TC2N: variants seen among roughly 807,000 people sequenced by gnomAD.
The protein encoded by TC2N is tandem C2 domains nuclear protein.
In TC2N, 51 loss-of-function variants were observed where a neutral mutation model predicts 61.9. The ratio of observed to expected loss-of-function variants is 0.82; its 90% CI spans 0.66 to 1.04. The LOEUF (loss-of-function observed/expected upper bound fraction) is 1.04, where lower values mean the gene tolerates loss of function less well. Ranked by LOEUF, TC2N falls within the 50% of genes least tolerant of loss-of-function variation. The pLI, the probability that TC2N is intolerant of heterozygous loss-of-function variation, is 0.00. For synonymous variants in TC2N, 204 were observed against 192.6 expected, an observed-to-expected ratio of 1.06 and a Z score of -0.49; for missense variants, 556 against 566.7, an observed-to-expected ratio of 0.98 and a Z score of 0.19.
At chr14:91,831,814 A>G (rs1028218406) in intron 1 of TC2N, among the ~76,000 whole-genome samples, 10 of 152,116 alleles carry the variant, frequency 6.6e-5, no homozygotes, top group African/African-American at 1.4e-4. Flanking sequence ...AGGTACAGAG[A>G]TTTCCCATAT....
At chr14:91,829,002 C>G (rs1188485574) in intron 1 of TC2N, among the ~76,000 whole-genome samples, 1 of 151,516 alleles carries the variant, frequency 6.6e-6, no homozygotes. Context: ...TGTCTTCTGT[C>G]CCACCATTGT....
At chr14:91,865,647 T>G (rs1888684835) in intron 1 of TC2N, among the ~76,000 whole-genome samples, 1 of 152,158 alleles carries the variant, frequency 6.6e-6, no homozygotes, top group African/African-American at 2.4e-5. Context: ...TATCTAGCAT[T>G]TATTAGTGTT....
At chr14:91,846,983 C>T (rs950927868) in intron 1 of TC2N, among the ~76,000 whole-genome samples, 8 of 152,150 alleles carry the variant, frequency 5.3e-5, no homozygotes, top group Non-Finnish European at 1.0e-4. Context: ...GGAGGCCAGG[C>T]GCGGTGGCTC....
intron 1 of TC2N, among the ~76,000 whole-genome samples, chr14:91,828,249 A>T (rs866698824): frequency 3.3e-5 from 5 of 152,278 alleles, no homozygotes; most frequent in South Asian, 2.1e-4. Flanking sequence ...ATATAAAATA[A>T]ATCCACATGG....
At chr14:91,805,786 C>A (rs1886482126) in intron 3 of TC2N, among the ~76,000 whole-genome samples, 1 of 152,150 alleles carries the variant, frequency 6.6e-6, no homozygotes. Flanking sequence ...ATAAAATCCA[C>A]AGTAGTATAC....
At chr14:91,809,248 A>C (rs1326136699) in intron 3 of TC2N, among the ~76,000 whole-genome samples, 3 of 152,006 alleles carry the variant, frequency 2.0e-5, no homozygotes, top group Non-Finnish European at 2.9e-5. Context: ...CCATCTCTAT[A>C]AATACAAAAA....
intron 9 of TC2N, among the ~76,000 whole-genome samples, chr14:91,789,261 T>A (rs754987085): frequency 6.6e-6 from 1 of 151,648 alleles, no homozygotes; most frequent in Admixed American, 6.6e-5. Context: ...ATTCAATTCA[T>A]GTTCCAGGAC....
chr14:91,825,693 T>C (rs1296207752), intron 1 of TC2N, among the ~76,000 whole-genome samples: 1 of 152,226 alleles, frequency 6.6e-6, no homozygotes, highest in Non-Finnish European at 1.5e-5. Context: ...CTTCTTGCTG[T>C]CTCTAGTTTC....
intron 9 of TC2N, among the ~76,000 whole-genome samples, chr14:91,788,985 A>G (rs1320090829): frequency 3.9e-5 from 6 of 152,088 alleles, no homozygotes; most frequent in Non-Finnish European, 8.8e-5. Flanking sequence ...TTGCTGATTG[A>G]AAAAAAATTG....
intron 3 of TC2N, among the ~76,000 whole-genome samples, chr14:91,810,473 C>T (rs1886714448): frequency 6.6e-6 from 1 of 152,060 alleles, no homozygotes; most frequent in Admixed American, 6.5e-5. Flanking sequence ...GTCTCCACAA[C>T]ATAACATTCA....
At chr14:91,820,704 A>AG (rs36100922) in intron 1 of TC2N, among the ~76,000 whole-genome samples, 8 of 29,448 alleles carry the variant, frequency 2.7e-4, no homozygotes, top group Admixed American at 8.5e-4. Context: ...TCTTGTAAAT[A>AG]AAAAAAAAAA....
intron 1 of TC2N, among the ~76,000 whole-genome samples, chr14:91,815,070 G>C (rs1490811428): frequency 6.6e-6 from 1 of 151,578 alleles, no homozygotes; most frequent in Admixed American, 6.6e-5. Flanking sequence ...AATAAAAACA[G>C]ACTAGGAGAA....
In TC2N at chr14:91,792,545, A is replaced by T. The variant is rs1233396591; in HGVS notation, c.869T>A (p.Met290Lys). Residue 290 changes from methionine to lysine, a missense_variant, in exon 9 of 12, where the codon ATG becomes AAG. By Grantham distance (95) the Met-to-Lys change is moderately conservative. Transcript: ENST00000435962. ...TTTAATAGCAAATACAAACGTTTCC[A>T]TAAATTCAATAGCCTTAAAAAAAAA... The part of the protein sequence containing the change: ...AKEGSNAIEF[M>K]ETFVFAIKLQ... 2 of 1,537,712 alleles carry T rather than the reference A, an allele frequency of 1.3e-6. No homozygotes were observed. The highest frequency in any genetic ancestry group is 2.8e-5 in the African/African-American group (2 of 72,600).
Position 91,802,161 on chromosome 14 carries a change from A to G in TC2N, c.469+93T>C, listed in dbSNP as rs79789782. On this transcript the variant is annotated intron_variant, in intron 4 of 11. Transcript: ENST00000435962. The stretch of plus-strand genomic sequence containing the variant: ...TTTTCTTATTTTTAAAATGCTTTTA[A>G]TAGTAAAAATCATTTATTCCCATAT... 3.3e-3 allele frequency: 3,811 copies of G among 1,152,234 alleles called. 95 individuals carry two copies. The African/African-American group carries it at 0.05, about 15-fold the overall frequency. 71.4% of individuals were successfully genotyped at this position (1,152,234 alleles called of 1,614,324 possible).
rs542623587 is a variant in TC2N, at chr14:91,782,974, T to C, written c.*126A>G. On this transcript the variant is annotated 3_prime_UTR_variant, in exon 12 of 12. Coordinates refer to ENST00000435962, the MANE Select transcript of TC2N (RefSeq NM_001128596.3). ...CAAATTTTCTATCAGATACATTATA[T>C]ACCATAATTATAGCCCCCATAAATT... 2.1e-4 allele frequency: 132 copies of C among 614,246 alleles called. 1 individual carries two copies. Among genetic ancestry groups the C allele is most frequent in the Non-Finnish European group, 3.4e-4 (117 of 346,470 alleles). 38.0% of individuals were successfully genotyped at this position (614,246 alleles called of 1,614,324 possible).
At chr14:91,811,565 A>T (rs960036445) in intron 3 of TC2N, among the ~76,000 whole-genome samples, 14 of 152,102 alleles carry the variant, frequency 9.2e-5, no homozygotes, top group African/African-American at 3.4e-4. Context: ...ACCTCATTCA[A>T]GTAACTATTT....
chr14:91,792,998 A>G (rs1885732465), intron 8 of TC2N, among the ~76,000 whole-genome samples: 1 of 152,194 alleles, frequency 6.6e-6, no homozygotes, highest in Non-Finnish European at 1.5e-5. Flanking sequence ...GTTTCTTTAA[A>G]GGAGTTATTT....
At chr14:91,861,572 G>C (rs866742823) in intron 1 of TC2N, among the ~76,000 whole-genome samples, 2 of 152,174 alleles carry the variant, frequency 1.3e-5, no homozygotes, top group African/African-American at 2.4e-5. Context: ...AGAGAGGCAG[G>C]GGAAGAAACA....
intron 3 of TC2N, among the ~76,000 whole-genome samples, chr14:91,810,619 C>T (rs1026760521): frequency 6.6e-6 from 1 of 151,634 alleles, no homozygotes; most frequent in African/African-American, 2.4e-5. Context: ...CTGAAATCAC[C>T]AGATAAAGAT....
Sources: gnomAD v4.1 joint callset for allele counts (sites outside exome capture counted in the v4.1 genomes callset) on GRCh38, gnomAD v4.1.1 for gene constraint, MANE v1.5 for transcripts, NCBI Gene and HGNC (gene_info 2026-07-23, HGNC 2026-07-21) for gene names.